The following ZNF177 variants were observed in gnomAD, a reference collection of about 807,000 sequenced individuals.
The protein encoded by ZNF177 is zinc finger protein 177.
A neutral mutation model predicts 19.4 loss-of-function variants in ZNF177; 17 were observed. The observed-to-expected ratio is 0.87, with a 90% CI of 0.60 to 1.31. The LOEUF (loss-of-function observed/expected upper bound fraction) is 1.31. Among genes scored for constraint, ZNF177 ranks in the 40% most tolerant of loss-of-function variants. The pLI is 0.00. For synonymous variants in ZNF177, 220 were observed against 188.7 expected, an observed-to-expected ratio of 1.17 and a Z score of -1.36; for missense variants, 633 against 561.8, an observed-to-expected ratio of 1.13 and a Z score of -1.28.
intron 3 of ZNF177, 23 bp from the exon 6 acceptor site, chr19:9,379,504 A>G (rs2068158810): frequency 6.2e-7 from 1 of 1,608,088 alleles, no homozygotes; most frequent in East Asian, 2.2e-5. Flanking sequence ...TTTCTCCCAC[A>G]TCCTTGCTTT....
chr19:9,378,914 G>A, intron 2 of ZNF177, 48 bp from the exon 5 acceptor site: 1 of 1,547,202 alleles, frequency 6.5e-7, no homozygotes, highest in Non-Finnish European at 8.8e-7. Flanking sequence ...CTGGTACATT[G>A]TCAAAAATGG....
At chr19:9,378,505 T>G (rs2068143379) in intron 2 of ZNF177, 161 bp downstream of exon 4, 1 of 1,142,380 alleles carries the variant, frequency 8.8e-7, no homozygotes, top group Non-Finnish European at 1.2e-6. Context: ...TGGGAAAGGC[T>G]TCTGTTCCCA....
upstream of ZNF177, among the ~76,000 whole-genome samples, chr19:9,371,943 A>C (rs2068051842): frequency 6.6e-6 from 1 of 152,180 alleles, no homozygotes; most frequent in Non-Finnish European, 1.5e-5. Context: ...ATTTTTATTA[A>C]GCTTTTATAT....
At chr19:9,382,324 A>G (rs2068214756), downstream of ZNF177, 1 of 399,056 alleles carries the variant, frequency 2.5e-6, no homozygotes, top group Non-Finnish European at 4.4e-6. Context: ...GGAAATGGGA[A>G]TATCTCATCT....
intron 2 of ZNF177, 111 bp downstream of exon 4, chr19:9,378,455 C>G (rs1599393462): frequency 6.6e-7 from 1 of 1,519,316 alleles, no homozygotes; most frequent in East Asian, 2.4e-5. Flanking sequence ...GCTTCATCTT[C>G]CGCAGCTCCC....
At chr19:9,368,789 T>C (rs1421572263) in intron 2 of ZNF177, among the ~76,000 whole-genome samples, 1 of 152,126 alleles carries the variant, frequency 6.6e-6, no homozygotes. Context: ...ATTCCAAATG[T>C]GTTACTTTTT....
In ZNF177 at chr19:9,378,869, C is replaced by T. The variant is rs879805866; in HGVS notation, c.34-93C>T. 1.1e-5 allele frequency: 16 copies of T among 1,453,244 alleles called. No individual in the cohort carries two copies. The Admixed American group carries it at 3.2e-4, about 29-fold the overall frequency. 90.0% of individuals were successfully genotyped at this position (1,453,244 alleles called of 1,614,324 possible). Reference sequence around the variant, plus strand: ...TCTGAGCTTCCAGTGCCCTGAGTCTCCTCTCCAGTCCTGTCAGCCTCACCC... The same window carrying T: ...TCTGAGCTTCCAGTGCCCTGAGTCTTCTCTCCAGTCCTGTCAGCCTCACCC... On this transcript the variant is annotated intron_variant, in intron 2 of 5. Transcript: ENST00000589262.
exon 6 of ZNF177, chr19:9,381,572 A>G: frequency 6.2e-7 from 1 of 1,614,222 alleles, no homozygotes; most frequent in Non-Finnish European, 8.5e-7. Flanking sequence ...CTTATTGTGC[A>G]CAAGAGAACT....
At chr19:9,368,848 A>C (rs150096953) in intron 2 of ZNF177, among the ~76,000 whole-genome samples, 32 of 152,272 alleles carry the variant, frequency 2.1e-4, no homozygotes, top group African/African-American at 6.0e-4. Context: ...CCATATTTTA[A>C]AACTACCAAA....
chr19:9,379,759 C>T (rs900710606), intron 4 of ZNF177, 140 bp downstream of exon 6: 81 of 1,026,870 alleles, frequency 7.9e-5, no homozygotes, highest in Middle Eastern at 6.4e-4. Context: ...ATCGTTCATA[C>T]GTTCATTTGG....
At chr19:9,379,408 TA>T in intron 3 of ZNF177, 118 bp from the exon 6 acceptor site, 1 of 1,356,686 alleles carries the variant, frequency 7.4e-7, no homozygotes, top group Non-Finnish European at 9.9e-7. Context: ...TTGTTGTTCC[TA>T]AAGCTGCACT....
chr19:9,378,863 G>T, intron 2 of ZNF177, 99 bp from the exon 5 acceptor site: 1 of 1,440,794 alleles, frequency 6.9e-7, no homozygotes, highest in South Asian at 1.7e-5. Flanking sequence ...CCAGTGCCCT[G>T]AGTCTCCTCT....
intron 2 of ZNF177, among the ~76,000 whole-genome samples, chr19:9,370,920 T>A (rs1004156347): frequency 6.6e-6 from 1 of 152,218 alleles, no homozygotes; most frequent in African/African-American, 2.4e-5. Context: ...ATTTTGCACA[T>A]CTTGCATCAT....
chr19:9,379,177 A>G lies in ZNF177; in HGVS notation c.160+89A>G, dbSNP rs930335315. ...TCCAGAATCTGTGGAAAGAATAGCA[A>G]TACAGTGGTTAACCCCAAAATGAAT... On this transcript the variant is annotated intron_variant, in intron 3 of 5. Transcript: ENST00000589262. 13 of 1,473,310 alleles carry G rather than the reference A, an allele frequency of 8.8e-6. No homozygotes were observed. In the African/African-American group the frequency reaches 1.3e-4, roughly 14 times the overall value. 91.3% of individuals were successfully genotyped at this position (1,473,310 alleles called of 1,614,324 possible).
chr19:9,364,098 T>A (rs2067944567), intron 1 of ZNF177, among the ~76,000 whole-genome samples: 1 of 152,200 alleles, frequency 6.6e-6, no homozygotes, highest in Admixed American at 6.5e-5. Context: ...TCTAGAACAT[T>A]TTCATTGCCC....
intron 1 of ZNF177, among the ~76,000 whole-genome samples, chr19:9,364,012 T>C (rs7249948): frequency 0.55 from 83,108 of 152,022 alleles, 22,894 homozygotes; most frequent in Middle Eastern, 0.62. Context: ...TAAAATCATA[T>C]ATTTCATCTC....
exon 6 of ZNF177, chr19:9,381,525 T>C: frequency 6.2e-7 from 1 of 1,614,176 alleles, no homozygotes; most frequent in South Asian, 1.1e-5. Flanking sequence ...CTTATGAGTG[T>C]AACCAGTGTG....
rs1000604933 is a variant in ZNF177, at chr19:9,379,515, C to T, written c.161-12C>T. ...CACATTTCTCCCACATCCTTGCTTT[C>T]TGCGTGAGCAGGGTATCAGCTCTGC... On this transcript the variant is annotated splice_polypyrimidine_tract_variant and intron_variant, in intron 3 of 5. Transcript: ENST00000589262. 6.2e-7 allele frequency: 1 copy of T among 1,611,636 alleles called. No homozygotes were observed. The highest frequency in any genetic ancestry group is 8.5e-7 in the Non-Finnish European group (1 of 1,179,184).
chr19:9,376,838 G>C (rs954236091), intron 1 of ZNF177, among the ~76,000 whole-genome samples: 6 of 152,016 alleles, frequency 3.9e-5, no homozygotes, highest in Non-Finnish European at 7.4e-5. Context: ...GGGTAATCTG[G>C]ATTGAGTATA....
Sources: gnomAD v4.1 joint callset for allele counts (sites outside exome capture counted in the v4.1 genomes callset) on GRCh38, gnomAD v4.1.1 for gene constraint, MANE v1.5 for transcripts, NCBI Gene and HGNC (gene_info 2026-07-23, HGNC 2026-07-21) for gene names.